The following PSTPIP1 variants were observed in gnomAD, a reference collection of about 807,000 sequenced individuals.
PSTPIP1 encodes the protein proline-serine-threonine phosphatase interacting protein 1.
PSTPIP1 carries 66 observed loss-of-function variants against 69.6 expected under a neutral mutation model. That is an observed-to-expected ratio of 0.95 (90% CI 0.78 to 1.16). PSTPIP1 has a LOEUF of 1.16. Among genes scored for constraint, PSTPIP1 ranks in the 50% most tolerant of loss-of-function variants. PSTPIP1 has a pLI of 0.00. For synonymous variants in PSTPIP1, 266 were observed against 222.7 expected, an observed-to-expected ratio of 1.19 and a Z score of -1.73; for missense variants, 603 against 557.4, an observed-to-expected ratio of 1.08 and a Z score of -0.82.
intron 1 of PSTPIP1, among the ~76,000 whole-genome samples, chr15:77,000,424 GC>G (rs1327922380): frequency 2.0e-5 from 3 of 149,614 alleles, no homozygotes; most frequent in African/African-American, 7.5e-5. Flanking sequence ...CCTGACATTT[GC>G]TGGGCACCTG....
chr15:76,994,947 C>A, upstream of PSTPIP1: 1 of 1,227,452 alleles, frequency 8.1e-7, no homozygotes, highest in Non-Finnish European at 1.1e-6. Context: ...GCCACACTGT[C>A]AGTGGGCCTC....
intron 8 of PSTPIP1, 106 bp from the exon 9 acceptor site, chr15:77,030,396 G>C: frequency 8.6e-7 from 1 of 1,164,056 alleles, no homozygotes; most frequent in Non-Finnish European, 1.2e-6. Flanking sequence ...TCCCATGGGG[G>C]AGGCGGGGCT....
intron 3 of PSTPIP1, among the ~76,000 whole-genome samples, chr15:77,020,602 C>A (rs1286589150): frequency 6.6e-6 from 1 of 152,146 alleles, no homozygotes; most frequent in Non-Finnish European, 1.5e-5. Context: ...GGAGGATTCA[C>A]TAATTTAAAA....
chr15:77,026,897 G>T (rs566438873), intron 5 of PSTPIP1, among the ~76,000 whole-genome samples: 4 of 152,256 alleles, frequency 2.6e-5, no homozygotes, highest in African/African-American at 7.2e-5. Flanking sequence ...GGCTGCAAAG[G>T]CTGTTTTGGA....
chr15:77,004,371 G>C (rs1459610842), intron 1 of PSTPIP1, among the ~76,000 whole-genome samples: 1 of 152,234 alleles, frequency 6.6e-6, no homozygotes, highest in Non-Finnish European at 1.5e-5. Flanking sequence ...GCCAGCTGGA[G>C]CCCTGGAGAC....
intron 1 of PSTPIP1, among the ~76,000 whole-genome samples, chr15:77,012,936 G>C (rs2075975444): frequency 6.6e-6 from 1 of 152,246 alleles, no homozygotes; most frequent in Admixed American, 6.5e-5. Context: ...TGTGAGCAGA[G>C]CTGTGTGTAG....
Position 77,032,328 on chromosome 15 carries a change from G to A in PSTPIP1, c.772G>A (p.Gly258Ser). Residue 258 changes from glycine to serine, a missense_variant, in exon 11 of 15, where the codon GGC becomes AGC. By Grantham distance (56) the Gly-to-Ser change is moderately conservative. Transcript: ENST00000558012. ...LYEEVRLTLE[G>S]CSIDADIDSF... ...CGAGGAAGTGCGGCTGACGCTGGAA[G>A]GCTGCAGCATAGACGCCGACATCGA... The A allele has an allele frequency of 1.2e-6, 2 of 1,612,622 alleles. No individual in the cohort carries two copies. The highest frequency in any genetic ancestry group is 1.1e-5 in the South Asian group (1 of 91,084).
At chr15:76,997,263 G>C (rs948685867) in intron 1 of PSTPIP1, among the ~76,000 whole-genome samples, 1 of 152,248 alleles carries the variant, frequency 6.6e-6, no homozygotes, top group Admixed American at 6.5e-5. Context: ...CCCTGAGCCT[G>C]GGGCGGGCAT....
At chr15:77,025,060 G>A (rs1182564150) in intron 3 of PSTPIP1, among the ~76,000 whole-genome samples, 1 of 152,182 alleles carries the variant, frequency 6.6e-6, no homozygotes, top group African/African-American at 2.4e-5. Flanking sequence ...CATTGCAGAG[G>A]GTTGATTGCT....
chr15:77,029,436 G>A, intron 7 of PSTPIP1, 93 bp from the exon 8 acceptor site: 2 of 1,436,406 alleles, frequency 1.4e-6, no homozygotes, highest in Non-Finnish European at 1.9e-6. Context: ...CCCCAGGGTG[G>A]CCGGGGAAGC....
intron 1 of PSTPIP1, among the ~76,000 whole-genome samples, chr15:77,000,476 T>TAC (rs893354130): frequency 0.011 from 1,607 of 146,862 alleles, 29 homozygotes; most frequent in East Asian, 0.033. Flanking sequence ...TATATATATA[T>TAC]ACACACACAC....
intron 9 of PSTPIP1, 124 bp downstream of exon 9, chr15:77,030,705 T>TA (rs2076394122): frequency 2.0e-6 from 2 of 980,658 alleles, no homozygotes; most frequent in Non-Finnish European, 2.9e-6. Flanking sequence ...CTCACTCGTT[T>TA]ATTCAGCCTC....
At chr15:77,012,135 AT>A in intron 1 of PSTPIP1, among the ~76,000 whole-genome samples, 1 of 119,390 alleles carries the variant, frequency 8.4e-6, no homozygotes, top group African/African-American at 3.4e-5. Flanking sequence ...CCATCCATCC[AT>A]CCATCCATCC....
rs1452288047 is a variant in PSTPIP1 at position 77,027,228 on chromosome 15, G to A, written c.355-624G>A. The stretch of plus-strand genomic sequence containing the variant: ...AGTTCTCCTCCTACCTCATAACCCA[G>A]TCGCTGTCCTGGCTGTTTTGCCTTC... On this transcript the variant is annotated intron_variant, in intron 5 of 14. Transcript: ENST00000558012. The surrounding 1 kb of genome is among the most constrained non-coding windows in gnomAD (Gnocchi z 4.3). 2.0e-5 allele frequency among the ~76,000 whole-genome samples: 3 copies of A among 152,226 alleles called. No homozygotes were observed. Among genetic ancestry groups the A allele is most frequent in the Non-Finnish European group, 4.4e-5 (3 of 68,046 alleles).
chr15:77,008,482 T>C (rs1174768603), intron 1 of PSTPIP1, among the ~76,000 whole-genome samples: 1 of 152,168 alleles, frequency 6.6e-6, no homozygotes, highest in Non-Finnish European at 1.5e-5. Flanking sequence ...CCGTGTCGGC[T>C]CACTGCAACC....
chr15:77,006,346 A>G (rs1433318759), intron 1 of PSTPIP1, among the ~76,000 whole-genome samples: 3 of 152,072 alleles, frequency 2.0e-5, no homozygotes, highest in Non-Finnish European at 4.4e-5. Flanking sequence ...GGAGTTCTTT[A>G]TATTTTCTAG....
At chr15:76,995,706 CT>C (rs2152658983) in intron 1 of PSTPIP1, 97 bp downstream of exon 1, 1 of 1,593,110 alleles carries the variant, frequency 6.3e-7, no homozygotes, top group East Asian at 2.2e-5. Context: ...GAGAGGGGAG[CT>C]TTCTCATAAA....
At chr15:77,034,927 C>A (rs1020219658) in intron 12 of PSTPIP1, among the ~76,000 whole-genome samples, 5 of 152,256 alleles carry the variant, frequency 3.3e-5, no homozygotes, top group African/African-American at 1.2e-4. Flanking sequence ...AGTAGCCCAG[C>A]GCTGTCCCGG....
intron 3 of PSTPIP1, among the ~76,000 whole-genome samples, chr15:77,020,489 G>A (rs191670863): frequency 8.5e-4 from 129 of 152,290 alleles, no homozygotes; most frequent in Non-Finnish European, 1.4e-3. Flanking sequence ...TGTTGATGAG[G>A]CCATGCAGCT....
Sources: allele counts gnomAD v4.1 joint callset (sites outside exome capture counted in the v4.1 genomes callset), GRCh38; gene constraint gnomAD v4.1.1; non-coding constraint Gnocchi (gnomAD v3.1); transcripts MANE v1.5; gene names NCBI Gene and HGNC (gene_info 2026-07-23, HGNC 2026-07-21).